Variants in MRTFB observed in about 807,000 individuals in gnomAD.
The protein encoded by MRTFB is myocardin-related transcription factor B.
In MRTFB, 29 loss-of-function variants were observed where a neutral mutation model predicts 104.2. That is an observed-to-expected ratio of 0.28 (90% CI 0.21 to 0.38). MRTFB has a LOEUF of 0.38. MRTFB is among the 10% of genes least tolerant of loss of function. MRTFB has a pLI of 1.00. For synonymous variants in MRTFB, 535 were observed against 519.5 expected (o/e 1.03, Z -0.41); for missense variants, 1,270 against 1,341.6 (o/e 0.95, Z 0.83).
At chr16:14,037,240 G>T in the MRTFB span, among the ~76,000 whole-genome samples, 1 of 152,166 alleles carries the variant, frequency 6.6e-6, no homozygotes, top group Non-Finnish European at 1.5e-5. Context: ...GTATGATTGC[G>T]TTTAATTGAT....
chr16:14,259,607 G>A (rs2043675043), intron 16 of MRTFB, among the ~76,000 whole-genome samples: 1 of 152,068 alleles, frequency 6.6e-6, no homozygotes, highest in Non-Finnish European at 1.5e-5. Flanking sequence ...ACAATTAGCT[G>A]GGCATGGTGG....
intron 2 of MRTFB, among the ~76,000 whole-genome samples, chr16:14,129,762 A>G (rs1033337398): frequency 2.6e-5 from 4 of 152,188 alleles, no homozygotes; most frequent in Non-Finnish European, 4.4e-5. Context: ...CATTTCCGTA[A>G]TAACTGATTA....
At chr16:14,210,967 A>G (rs1249524586) in intron 4 of MRTFB, among the ~76,000 whole-genome samples, 1 of 152,166 alleles carries the variant, frequency 6.6e-6, no homozygotes, top group South Asian at 2.1e-4. Flanking sequence ...GCTGTTTTGT[A>G]TAGGCCATTA....
chr16:14,024,712 G>A, the MRTFB span, among the ~76,000 whole-genome samples: 2 of 152,172 alleles, frequency 1.3e-5, no homozygotes, highest in Non-Finnish European at 2.9e-5. Flanking sequence ...GAGAGGTGGT[G>A]CAAGAAATAA....
chr16:14,230,253 A>G (rs981081331), intron 8 of MRTFB, among the ~76,000 whole-genome samples: 1 of 152,240 alleles, frequency 6.6e-6, no homozygotes, highest in Admixed American at 6.5e-5. Context: ...CACCAAAAGC[A>G]ATGGCAACAA....
At chr16:14,250,130 A>T (rs907409402) in intron 13 of MRTFB, among the ~76,000 whole-genome samples, 2 of 152,248 alleles carry the variant, frequency 1.3e-5, no homozygotes, top group Non-Finnish European at 2.9e-5. Context: ...GTCTGTAAAC[A>T]CTAGAATTAG....
At chr16:14,239,043 C>T (rs1303331535) in intron 9 of MRTFB, among the ~76,000 whole-genome samples, 3 of 152,194 alleles carry the variant, frequency 2.0e-5, no homozygotes, top group East Asian at 3.9e-4. Context: ...AAACAGCACA[C>T]GTTTGGTTCT....
At chr16:14,028,389 C>T in the MRTFB span, among the ~76,000 whole-genome samples, 16 of 152,038 alleles carry the variant, frequency 1.1e-4, no homozygotes, top group African/African-American at 3.1e-4. Context: ...CAGAAAGGCT[C>T]GGGTTTCCTG....
At chr16:14,129,812 G>A (rs1180640089) in intron 2 of MRTFB, among the ~76,000 whole-genome samples, 1 of 152,026 alleles carries the variant, frequency 6.6e-6, no homozygotes, top group African/African-American at 2.4e-5. Context: ...TCATGCATAT[G>A]TCTTCTTTAG....
At chr16:14,121,908 A>G (rs2036863801) in intron 2 of MRTFB, among the ~76,000 whole-genome samples, 1 of 152,206 alleles carries the variant, frequency 6.6e-6, no homozygotes, top group Admixed American at 6.5e-5. Context: ...ATTGATTTAT[A>G]TTTAAGTAGA....
the MRTFB span, among the ~76,000 whole-genome samples, chr16:14,001,415 C>T: frequency 6.6e-6 from 1 of 152,180 alleles, no homozygotes; most frequent in Admixed American, 6.5e-5. Flanking sequence ...AGATCCAGCC[C>T]CAGCATTCCC....
the MRTFB span, among the ~76,000 whole-genome samples, chr16:14,025,037 G>T: frequency 4.4e-3 from 669 of 152,238 alleles, 5 homozygotes; most frequent in African/African-American, 0.015. Context: ...TATAGTAATA[G>T]AACAGTTCAT....
intron 3 of MRTFB, chr16:14,143,570 T>C (rs990252597): frequency 4.0e-5 from 6 of 151,772 alleles, no homozygotes; most frequent in Non-Finnish European, 5.9e-5. Context: ...TGCAGGTTAG[T>C]TACATATGTA....
At chr16:14,237,964 TCA>T (rs746201293) in intron 9 of MRTFB, among the ~76,000 whole-genome samples, 1 of 152,144 alleles carries the variant, frequency 6.6e-6, no homozygotes, top group Non-Finnish European at 1.5e-5. Flanking sequence ...AAGTTGGTGG[TCA>T]CAAGTTTAAA....
the MRTFB span, among the ~76,000 whole-genome samples, chr16:14,023,942 T>C: frequency 6.6e-6 from 1 of 151,888 alleles, no homozygotes; most frequent in South Asian, 2.1e-4. Context: ...TCCCAGCTAC[T>C]TGGGAGGCTG....
intron 2 of MRTFB, among the ~76,000 whole-genome samples, chr16:14,108,634 T>C (rs570113895): frequency 6.6e-6 from 1 of 152,346 alleles, no homozygotes; most frequent in South Asian, 2.1e-4. Context: ...AGGTTACTTC[T>C]CTCTCCCCTT....
chr16:14,082,149 C>T (rs1409521412), intron 2 of MRTFB, among the ~76,000 whole-genome samples: 1 of 152,188 alleles, frequency 6.6e-6, no homozygotes, highest in Non-Finnish European at 1.5e-5. Flanking sequence ...TCTATGTTTT[C>T]TCCTAGGAGC....
chr16:14,225,358 A>G (rs144447550), intron 8 of MRTFB, among the ~76,000 whole-genome samples: 11 of 152,354 alleles, frequency 7.2e-5, no homozygotes, highest in African/African-American at 2.4e-4. Context: ...GAATGATGTC[A>G]GTAACATAGA....
the MRTFB span, among the ~76,000 whole-genome samples, chr16:14,059,788 A>T: frequency 2.0e-5 from 3 of 152,200 alleles, no homozygotes; most frequent in East Asian, 5.8e-4. Context: ...TGGCTAGAAG[A>T]TAGGGTCCAA....
Sources: gnomAD v4.1 joint callset for allele counts (sites outside exome capture counted in the v4.1 genomes callset) on GRCh38, gnomAD v4.1.1 for gene constraint, MANE v1.5 for transcripts, NCBI Gene and HGNC (gene_info 2026-07-23, HGNC 2026-07-21) for gene names.